SLC25A48: variants seen among roughly 807,000 people sequenced by gnomAD.
SLC25A48 encodes CTC-321K16.1.
In SLC25A48, 29 loss-of-function variants were observed where a neutral mutation model predicts 32.2. The observed-to-expected ratio is 0.90, with a 90% confidence interval of 0.67 to 1.23. The LOEUF (loss-of-function observed/expected upper bound fraction) is 1.23. Ranked by LOEUF, SLC25A48 falls within the 50% of genes most tolerant of loss-of-function variation. The probability of loss-of-function intolerance (pLI) is 0.00; values close to 1 mark genes in which losing one functional copy is unlikely to be tolerated. For missense variants in SLC25A48, 399 were observed against 422.7 expected (o/e 0.94, Z 0.49); for synonymous variants, 164 against 172.3 (o/e 0.95, Z 0.38).
At chr5:135,874,277 T>A (rs1461920958) in intron 6 of SLC25A48, 123 bp downstream of exon 6, 2 of 1,206,768 alleles carry the variant, frequency 1.7e-6, no homozygotes, top group Non-Finnish European at 2.2e-6. Flanking sequence ...TGATTATGTA[T>A]CAGGTGCCAC....
At chr5:135,835,084 G>A (rs1447517677) in intron 1 of SLC25A48, 191 bp downstream of exon 1, 6 of 736,460 alleles carry the variant, frequency 8.1e-6, no homozygotes, top group Non-Finnish European at 9.9e-6. Flanking sequence ...AATTCTGAGA[G>A]CTTCACAGCG....
At chr5:135,886,701 A>T (rs4039989) in intron 7 of SLC25A48, among the ~76,000 whole-genome samples, 14,623 of 117,672 alleles carry the variant, frequency 0.12, 1,508 homozygotes, top group African/African-American at 0.24. Context: ...AGAGAGAGAG[A>T]GTGTGTGTGT....
intron 3 of SLC25A48, among the ~76,000 whole-genome samples, chr5:135,665,860 C>G (rs1377715551): frequency 6.6e-6 from 1 of 151,994 alleles, no homozygotes; most frequent in Non-Finnish European, 1.5e-5. Context: ...AATGTGGGCT[C>G]TTTCTCTCCT....
At chr5:135,741,496 G>T (rs1248820802) in intron 3 of SLC25A48, among the ~76,000 whole-genome samples, 2 of 152,148 alleles carry the variant, frequency 1.3e-5, no homozygotes, top group African/African-American at 4.8e-5. Context: ...TCAGCACTTT[G>T]GGAGGCCAAG....
At chr5:135,737,419 G>A (rs1755401749) in intron 3 of SLC25A48, among the ~76,000 whole-genome samples, 1 of 152,108 alleles carries the variant, frequency 6.6e-6, no homozygotes, top group Non-Finnish European at 1.5e-5. Context: ...GTTACTTCAG[G>A]CCATCTGGAT....
At chr5:135,807,412 C>G (rs561975511) in intron 3 of SLC25A48, among the ~76,000 whole-genome samples, 1 of 150,212 alleles carries the variant, frequency 6.7e-6, no homozygotes, top group South Asian at 2.1e-4. Flanking sequence ...CATTAATATC[C>G]TAGTGTGTTA....
intron 3 of SLC25A48, among the ~76,000 whole-genome samples, chr5:135,643,227 C>T (rs1051180250): frequency 4.6e-5 from 7 of 152,150 alleles, no homozygotes; most frequent in African/African-American, 1.7e-4. Flanking sequence ...TCCTGACGGG[C>T]GGTGGGGAAA....
intron 1 of SLC25A48, chr5:135,835,268 A>G (rs1488242545): frequency 4.2e-6 from 2 of 476,718 alleles, no homozygotes; most frequent in Non-Finnish European, 8.3e-6. Context: ...GAACTTATGT[A>G]TGAGGGTAGC....
intron 3 of SLC25A48, among the ~76,000 whole-genome samples, chr5:135,776,385 T>TG (rs1484535866): frequency 1.3e-5 from 2 of 151,492 alleles, no homozygotes; most frequent in East Asian, 1.9e-4. Context: ...CCCAATATCG[T>TG]GGGGAATGTA....
At chr5:135,646,205 G>A (rs1752954588) in intron 3 of SLC25A48, among the ~76,000 whole-genome samples, 2 of 152,276 alleles carry the variant, frequency 1.3e-5, no homozygotes, top group East Asian at 1.9e-4. Context: ...TGCAGGCAGG[G>A]GTGTTGGTGG....
At chr5:135,620,174 A>T (rs1752290924) in intron 1 of SLC25A48, among the ~76,000 whole-genome samples, 1 of 152,134 alleles carries the variant, frequency 6.6e-6, no homozygotes, top group Non-Finnish European at 1.5e-5. Flanking sequence ...GCCACAGGTG[A>T]TGCATGTGGG....
chr5:135,881,308 C>G (rs570086424), intron 7 of SLC25A48, among the ~76,000 whole-genome samples: 1 of 152,214 alleles, frequency 6.6e-6, no homozygotes. Flanking sequence ...CTGCCTCCCC[C>G]GTGAGCTGGC....
intron 3 of SLC25A48, 57 bp downstream of exon 3, chr5:135,850,553 A>T (rs1260652170): frequency 6.5e-7 from 1 of 1,533,340 alleles, no homozygotes; most frequent in African/African-American, 1.4e-5. Context: ...CAGGCTGGGG[A>T]CCAGGGCCAC....
chr5:135,758,680 T>A (rs1280899119), intron 3 of SLC25A48, among the ~76,000 whole-genome samples: 3 of 150,714 alleles, frequency 2.0e-5, no homozygotes, highest in Non-Finnish European at 4.4e-5. Context: ...TAATAGAATA[T>A]CATCTATGCT....
upstream of SLC25A48, among the ~76,000 whole-genome samples, chr5:135,833,261 T>C (rs1758275146): frequency 6.6e-6 from 1 of 152,280 alleles, no homozygotes; most frequent in East Asian, 1.9e-4. Flanking sequence ...TTTCTGGGCC[T>C]GGGAGGCCAT....
chr5:135,874,422 G>C (rs779633402), intron 6 of SLC25A48, among the ~76,000 whole-genome samples: 1 of 152,212 alleles, frequency 6.6e-6, no homozygotes, highest in African/African-American at 2.4e-5. Flanking sequence ...CCATGGTGGC[G>C]CCTGGGCCTG....
intron 4 of SLC25A48, among the ~76,000 whole-genome samples, chr5:135,865,465 T>C (rs1761116027): frequency 6.6e-6 from 1 of 152,200 alleles, no homozygotes; most frequent in South Asian, 2.1e-4. Flanking sequence ...AGCAGTGCTG[T>C]AGGTGGGACC....
intron 1 of SLC25A48, among the ~76,000 whole-genome samples, chr5:135,583,764 C>T (rs1751288630): frequency 1.3e-5 from 2 of 152,180 alleles, no homozygotes; most frequent in African/African-American, 4.8e-5. Flanking sequence ...TACCTGCTTC[C>T]ATTGTGTTGT....
intron 3 of SLC25A48, among the ~76,000 whole-genome samples, chr5:135,637,274 C>A (rs556645573): frequency 6.6e-5 from 10 of 152,146 alleles, no homozygotes; most frequent in Non-Finnish European, 1.5e-4. Flanking sequence ...AGGAAAGCTT[C>A]GTAAAGAGGT....
Sources: gnomAD v4.1 joint callset for allele counts (sites outside exome capture counted in the v4.1 genomes callset) on GRCh38, gnomAD v4.1.1 for gene constraint, MANE v1.5 for transcripts, NCBI Gene and HGNC (gene_info 2026-07-23, HGNC 2026-07-21) for gene names.